BCLAF3: variants seen among roughly 807,000 people sequenced by gnomAD.
BCLAF3 encodes transient octamer binding factor 1.
In BCLAF3, 24 loss-of-function variants were observed where a neutral mutation model predicts 51.2. The ratio of observed to expected loss-of-function variants is 0.47; its 90% CI spans 0.34 to 0.66. BCLAF3 has a LOEUF of 0.66. BCLAF3 is among the 30% of genes least tolerant of loss of function. The probability of loss-of-function intolerance (pLI) is 0.01; values close to 1 mark genes in which losing one functional copy is unlikely to be tolerated. For missense variants in BCLAF3, 465 were observed against 525.1 expected (o/e 0.89, Z 1.12); for synonymous variants, 152 against 176.6 (o/e 0.86, Z 1.10).
At chrX:19,950,179 C>T (rs1053722783) in intron 8 of BCLAF3, among the ~76,000 whole-genome samples, 2 of 111,883 alleles carry the variant, frequency 1.8e-5, no homozygotes, top group Non-Finnish European at 3.8e-5. Flanking sequence ...TGTCCAAGAT[C>T]GGTCAGCTTG....
chrX:19,915,356 C>T lies in BCLAF3; in HGVS notation c.*1949G>A, dbSNP rs778792831. 8.9e-6 allele frequency: 1 copy of T among 111,931 alleles called. No individual in the cohort carries two copies. Among genetic ancestry groups the T allele is most frequent in the South Asian group, 3.7e-4 (1 of 2,712 alleles). The allele number at this position is 111,931 out of a possible 1,213,427, so 9.2% of individuals were successfully genotyped here. A position where few individuals can be genotyped will look rare whatever the true frequency, so the allele number is the denominator to read the frequency against. ...GATACTATGGTGGACAAGACAGACA[C>T]GGTCCCTGTCCTTATTTTATACTCT... On this transcript the variant is annotated 3_prime_UTR_variant, in exon 12 of 12. Transcript: ENST00000379682.
chrX:19,916,373 T>C lies in BCLAF3; in HGVS notation c.*932A>G, dbSNP rs771754288. On this transcript the variant is annotated 3_prime_UTR_variant, in exon 12 of 12. Coordinates refer to ENST00000379682, the MANE Select transcript of BCLAF3 (RefSeq NM_001367774.2). ...ACAGAAAACATAAAGAAATAAGGTA[T>C]TGGGGCCTAAAAATTTCATTTAAAA... The C allele has an allele frequency of 3.6e-5, 4 of 112,575 alleles. No homozygotes were observed. Among genetic ancestry groups the C allele is most frequent in the South Asian group, 3.6e-4 (1 of 2,760 alleles). The allele number at this position is 112,575 out of a possible 1,213,427, so 9.3% of individuals were successfully genotyped here.
At chrX:19,978,776 T>C (rs1437621803) in intron 1 of BCLAF3, among the ~76,000 whole-genome samples, 2 of 109,801 alleles carry the variant, frequency 1.8e-5, no homozygotes, top group African/African-American at 6.6e-5. Context: ...TTTTGTCTTA[T>C]ATTTTTTCAG....
At chrX:19,925,125 T>G (rs1317765696) in intron 11 of BCLAF3, among the ~76,000 whole-genome samples, 2 of 111,700 alleles carry the variant, frequency 1.8e-5, no homozygotes, top group African/African-American at 6.5e-5. Context: ...TGTAGGCAGC[T>G]GGAGAGCCAA....
rs972508830 is a variant in BCLAF3 at position 19,913,791 on chromosome X, A to G, written c.*3514T>C. 1 of 99,432 alleles carries G rather than the reference A, an allele frequency of 1.0e-5. No homozygotes were observed. The highest frequency in any genetic ancestry group is 2.8e-4 in the East Asian group (1 of 3,571). 8.2% of individuals were successfully genotyped at this position (99,432 alleles called of 1,213,427 possible). A position where few individuals can be genotyped will look rare whatever the true frequency, so the allele number is the denominator to read the frequency against. ...ACATGACGTGACATGACACCTGGCC[A>G]TGAATGATGAGACGGTTAGTTCTTA... On this transcript the variant is annotated 3_prime_UTR_variant, in exon 12 of 12. Transcript: ENST00000379682.
At chrX:19,964,929 G>C (rs1444525024) in intron 4 of BCLAF3, 115 bp downstream of exon 4, 1 of 609,756 alleles carries the variant, frequency 1.6e-6, no homozygotes, top group Non-Finnish European at 2.3e-6. Flanking sequence ...GAAAATTCTT[G>C]GCAATCCCTC....
intron 3 of BCLAF3, 33 bp from the exon 4 acceptor site, chrX:19,965,739 T>G: frequency 9.2e-7 from 1 of 1,092,814 alleles, no homozygotes; most frequent in Non-Finnish European, 1.2e-6. Flanking sequence ...ACACTTGCAA[T>G]AGAGAGAAGA....
chrX:19,983,298 G>A (rs1057124536), intron 1 of BCLAF3, among the ~76,000 whole-genome samples: 3 of 106,985 alleles, frequency 2.8e-5, no homozygotes, highest in African/African-American at 1.0e-4. Context: ...AGGTTAGGCC[G>A]GGCATAGTGG....
intron 11 of BCLAF3, chrX:19,929,190 A>C (rs2070459678): frequency 8.9e-6 from 1 of 111,745 alleles, no homozygotes; most frequent in African/African-American, 3.2e-5. Context: ...AATATATATA[A>C]TTTTTACTTG....
intron 10 of BCLAF3, among the ~76,000 whole-genome samples, chrX:19,931,816 G>T (rs781692461): frequency 8.9e-6 from 1 of 112,347 alleles, no homozygotes; most frequent in Admixed American, 9.5e-5. Context: ...AATTAGTAGA[G>T]ATGCTGCGTC....
In BCLAF3 at chrX:19,950,873, G is replaced by A. The variant is rs1362935170; in HGVS notation, c.1630-5C>T. 5.2e-6 allele frequency: 6 copies of A among 1,154,920 alleles called. No homozygotes were observed. The African/African-American group carries it at 7.1e-5, about 14-fold the overall frequency. On this transcript the variant is annotated splice_polypyrimidine_tract_variant and splice_region_variant and intron_variant, in intron 7 of 11. Coordinates refer to ENST00000379682, the MANE Select transcript of BCLAF3 (RefSeq NM_001367774.2). Reference sequence around the variant, plus strand: ...ATCTATTATTTTGATCAGAGTCTGAGGAATTTTGACAGAAGACAAACCATT... The same window carrying A: ...ATCTATTATTTTGATCAGAGTCTGAAGAATTTTGACAGAAGACAAACCATT...
At chrX:19,935,056 C>G (rs1272893071) in intron 10 of BCLAF3, among the ~76,000 whole-genome samples, 2 of 109,747 alleles carry the variant, frequency 1.8e-5, no homozygotes, top group African/African-American at 6.6e-5. Flanking sequence ...TGGTGGCACA[C>G]GCCTGTAATC....
chrX:19,966,010 C>T, intron 3 of BCLAF3, 70 bp downstream of exon 3: 2 of 1,000,014 alleles, frequency 2.0e-6, no homozygotes, highest in Non-Finnish European at 2.7e-6. Flanking sequence ...TTATCTTCAA[C>T]CATAAAGTAA....
chrX:19,923,845 ATT>A (rs561594796), intron 11 of BCLAF3, among the ~76,000 whole-genome samples: 15,311 of 90,046 alleles, frequency 0.17, 2,626 homozygotes, highest in African/African-American at 0.54. Context: ...TTATTTATTT[ATT>A]TTTTTTTTTT....
At chrX:19,953,976 TA>T (rs2071579040) in intron 5 of BCLAF3, 84 bp from the exon 6 acceptor site, 3 of 1,081,922 alleles carry the variant, frequency 2.8e-6, no homozygotes, top group African/African-American at 1.8e-5. Flanking sequence ...AAGAAGGGAT[TA>T]TTTTTTAAAA....
chrX:19,947,457 C>T (rs764255561), intron 8 of BCLAF3, among the ~76,000 whole-genome samples: 9 of 110,351 alleles, frequency 8.2e-5, no homozygotes, highest in Non-Finnish European at 1.7e-4. Context: ...GAGTAAGAAA[C>T]GGGTAAGAAG....
chrX:19,921,552 A>C (rs1208160554), intron 11 of BCLAF3, among the ~76,000 whole-genome samples: 1 of 109,689 alleles, frequency 9.1e-6, no homozygotes, highest in Non-Finnish European at 1.9e-5. Flanking sequence ...AAAAATACAA[A>C]AATTAGCCAG....
At chrX:19,938,142 T>C (rs1027724873) in intron 8 of BCLAF3, among the ~76,000 whole-genome samples, 1 of 111,245 alleles carries the variant, frequency 9.0e-6, no homozygotes, top group Non-Finnish European at 1.9e-5. Context: ...CCCTGGGATC[T>C]TCCTCTGATC....
chrX:19,934,279 A>G (rs2070674492), intron 10 of BCLAF3, among the ~76,000 whole-genome samples: 1 of 112,237 alleles, frequency 8.9e-6, no homozygotes, highest in Admixed American at 9.5e-5. Context: ...CAGAAAATAA[A>G]TCTTATGATG....
Sources: allele counts gnomAD v4.1 joint callset (sites outside exome capture counted in the v4.1 genomes callset), GRCh38; gene constraint gnomAD v4.1.1; transcripts MANE v1.5; gene names NCBI Gene and HGNC (gene_info 2026-07-23, HGNC 2026-07-21).